Variants in ARHGAP5 observed in about 807,000 individuals in gnomAD.
ARHGAP5 encodes rho GTPase-activating protein 5.
In ARHGAP5, 23 loss-of-function variants were observed where a neutral mutation model predicts 116.6. The ratio of observed to expected loss-of-function variants is 0.20; its 90% confidence interval spans 0.14 to 0.28. ARHGAP5 has a LOEUF of 0.28. Ranked by LOEUF, ARHGAP5 falls within the 10% of genes least tolerant of loss-of-function variation. ARHGAP5 has a pLI of 1.00. For missense variants in ARHGAP5, 1,405 were observed against 1,774.8 expected (o/e 0.79, Z 3.74); for synonymous variants, 574 against 602.0 (o/e 0.95, Z 0.68).
At position 32,155,042 on chromosome 14, in the gene ARHGAP5, A is replaced by G. The variant is rs1881833448; in HGVS notation, c.*94A>G. Reference sequence around the variant, plus strand: ...CAGTAGTATACTTCATGTTTCATACAGATAATTCACATTCAAAATTACATT... The same window carrying G: ...CAGTAGTATACTTCATGTTTCATACGGATAATTCACATTCAAAATTACATT... On this transcript the variant is annotated 3_prime_UTR_variant, in exon 7 of 7. Coordinates refer to ENST00000345122, the MANE Select transcript of ARHGAP5 (RefSeq NM_001030055.2). 3 of 1,059,266 alleles carry G rather than the reference A, an allele frequency of 2.8e-6. No homozygotes were observed. The highest frequency in any genetic ancestry group is 3.2e-5 in the South Asian group (2 of 62,780). 65.6% of individuals were successfully genotyped at this position (1,059,266 alleles called of 1,614,324 possible). A position where few individuals can be genotyped will look rare whatever the true frequency, so the allele number is the denominator to read the frequency against.
intron 1 of ARHGAP5, among the ~76,000 whole-genome samples, chr14:32,089,902 T>G (rs147028537): frequency 6.6e-4 from 100 of 152,100 alleles, no homozygotes; most frequent in Non-Finnish European, 1.1e-3. Context: ...GTTCACTTAT[T>G]TCTGTTTTCT....
chr14:32,113,234 C>G (rs1020920963), intron 2 of ARHGAP5, among the ~76,000 whole-genome samples: 1 of 152,170 alleles, frequency 6.6e-6, no homozygotes, highest in Non-Finnish European at 1.5e-5. Flanking sequence ...TAAGAACTAT[C>G]ACTTACAGAA....
intron 2 of ARHGAP5, 103 bp from the exon 3 acceptor site, chr14:32,117,037 C>A: frequency 1.2e-6 from 1 of 835,516 alleles, no homozygotes; most frequent in Non-Finnish European, 1.7e-6. Flanking sequence ...TTGGATGTGG[C>A]TATAAAATTT....
At chr14:32,113,575 G>A (rs1009784961) in intron 2 of ARHGAP5, among the ~76,000 whole-genome samples, 31 of 152,174 alleles carry the variant, frequency 2.0e-4, no homozygotes, top group African/African-American at 7.5e-4. Flanking sequence ...TATGGACCTT[G>A]GGACGTATTT....
rs867184141 is a variant in ARHGAP5, at chr14:32,137,992, T to A, written c.3866-8271T>A. ...GTCTCAAAAAAAAAAAAAAAAAAAA[T>A]TTCACCTTCCAATCCACAAACACAG... is the stretch of plus-strand genomic sequence containing the variant. On this transcript the variant is annotated intron_variant, in intron 3 of 6. Transcript: ENST00000345122. Among the ~76,000 whole-genome samples, 85 of 146,500 alleles carry A rather than the reference T, an allele frequency of 5.8e-4. 1 individual carries two copies. The South Asian group carries it at 0.016, about 28-fold the overall frequency.
chr14:32,099,414 G>C (rs1389430519), intron 2 of ARHGAP5, among the ~76,000 whole-genome samples: 1 of 152,136 alleles, frequency 6.6e-6, no homozygotes, highest in African/African-American at 2.4e-5. Flanking sequence ...GCTTAACACA[G>C]ACCTTTGAGG....
At chr14:32,153,074 T>C (rs1594401277) in intron 6 of ARHGAP5, among the ~76,000 whole-genome samples, 1 of 149,398 alleles carries the variant, frequency 6.7e-6, no homozygotes, top group African/African-American at 2.5e-5. Context: ...TTTAAACTAA[T>C]AGTATCAACA....
chr14:32,115,491 G>A (rs951654890), intron 2 of ARHGAP5, among the ~76,000 whole-genome samples: 28 of 150,374 alleles, frequency 1.9e-4, no homozygotes, highest in African/African-American at 4.2e-4. Flanking sequence ...GTGAAACCGC[G>A]TCTCTACTAA....
Position 32,093,584 on chromosome 14 carries a change from G to C in ARHGAP5, c.2915G>C (p.Cys972Ser). The C allele has an allele frequency of 6.2e-7, 1 of 1,613,998 alleles. No homozygotes were observed. Among genetic ancestry groups the C allele is most frequent in the Non-Finnish European group, 8.5e-7 (1 of 1,179,946 alleles). The change falls in exon 2 of 7, where the codon TGT (cysteine) becomes TCT (serine). Residue 972 changes from cysteine (C) to serine (S), a missense_variant. Coordinates refer to ENST00000345122, the MANE Select transcript of ARHGAP5 (RefSeq NM_001030055.2). Reference sequence around the variant, plus strand: ...GTTTTTCTACCATCTCCCAGAGACTGTTTTCCCTATAATAACTACCCTGAT... The same window carrying C: ...GTTTTTCTACCATCTCCCAGAGACTCTTTTCCCTATAATAACTACCCTGAT... ...EDVFLPSPRD[C>S]FPYNNYPDSD...
chr14:32,105,492 A>T (rs1444696333), intron 2 of ARHGAP5, among the ~76,000 whole-genome samples: 1 of 151,884 alleles, frequency 6.6e-6, no homozygotes, highest in Non-Finnish European at 1.5e-5. Context: ...TTTTTTTAAA[A>T]AAAAGAGAGA....
intron 2 of ARHGAP5, among the ~76,000 whole-genome samples, chr14:32,110,647 A>G (rs1018292677): frequency 1.7e-4 from 26 of 152,176 alleles, no homozygotes; most frequent in Admixed American, 3.9e-4. Context: ...CTATTCAAGG[A>G]GCCAACATTC....
intron 2 of ARHGAP5, among the ~76,000 whole-genome samples, chr14:32,102,521 G>A (rs1389145259): frequency 6.6e-6 from 1 of 152,198 alleles, no homozygotes; most frequent in African/African-American, 2.4e-5. Context: ...CTGCATTCTG[G>A]TCTGTGCAAC....
chr14:32,102,247 A>G (rs1878825249), intron 2 of ARHGAP5, among the ~76,000 whole-genome samples: 1 of 152,232 alleles, frequency 6.6e-6, no homozygotes, highest in African/African-American at 2.4e-5. Flanking sequence ...GTGTGTTCAA[A>G]AGAATGAGAA....
At chr14:32,123,813 G>C (rs181407122) in intron 3 of ARHGAP5, among the ~76,000 whole-genome samples, 28 of 152,202 alleles carry the variant, frequency 1.8e-4, no homozygotes, top group Admixed American at 9.2e-4. Context: ...TGGATTGTAA[G>C]TTTGTATGGC....
chr14:32,152,387 G>A, intron 5 of ARHGAP5, 36 bp from the exon 6 acceptor site: 1 of 1,377,802 alleles, frequency 7.3e-7, no homozygotes. Context: ...AAATGTGTAA[G>A]TTTTACACAG....
At chr14:32,099,908 T>TCG (rs1878713258) in intron 2 of ARHGAP5, among the ~76,000 whole-genome samples, 1 of 152,208 alleles carries the variant, frequency 6.6e-6, no homozygotes, top group Non-Finnish European at 1.5e-5. Flanking sequence ...TCAGAAGCCT[T>TCG]TAGGTTTCGT....
chr14:32,115,759 C>T (rs1022111359), intron 2 of ARHGAP5, among the ~76,000 whole-genome samples: 1 of 147,456 alleles, frequency 6.8e-6, no homozygotes, highest in African/African-American at 2.5e-5. Context: ...ATCATGAGGT[C>T]AGGAGTTCGA....
At chr14:32,152,680 GAT>G (rs1418123850) in intron 6 of ARHGAP5, 152 bp downstream of exon 6, 8 of 479,282 alleles carry the variant, frequency 1.7e-5, no homozygotes, top group South Asian at 3.7e-5. Context: ...TATCTAAAAA[GAT>G]ATATGATTAG....
chr14:32,126,294 G>A lies in ARHGAP5; in HGVS notation c.3865+9007G>A, dbSNP rs1238872395. Among the ~76,000 whole-genome samples the A allele has an allele frequency of 2.0e-5, 3 of 152,102 alleles. No homozygotes were observed. The East Asian group carries it at 5.8e-4, about 29-fold the overall frequency. On this transcript the variant is annotated intron_variant, in intron 3 of 6. Transcript: ENST00000345122. ...AACGCTAGAAGTCTGAAAGCAAGGT[G>A]TCAGCAGGGCCATGTTCCCTCTGAG...
Sources: gnomAD v4.1 joint callset for allele counts (sites outside exome capture counted in the v4.1 genomes callset) on GRCh38, gnomAD v4.1.1 for gene constraint, MANE v1.5 for transcripts, NCBI Gene and HGNC (gene_info 2026-07-23, HGNC 2026-07-21) for gene names.